The following ZNF804A variants were observed in gnomAD, a reference collection of about 807,000 sequenced individuals.
ZNF804A encodes zinc finger protein 804A.
A neutral mutation model predicts 16.5 loss-of-function variants in ZNF804A; 2 were observed. The observed-to-expected ratio is 0.12, with a 90% CI of 0.05 to 0.38. The LOEUF is 0.38. Among genes scored for constraint, ZNF804A ranks in the 10% least tolerant of loss-of-function variants. The pLI is 0.99. For missense variants in ZNF804A, 1,473 were observed against 1,390.7 expected (o/e 1.06, Z -0.94); for synonymous variants, 534 against 489.6 (o/e 1.09, Z -1.20).
At chr2:184,923,657 C>G (rs938456083) in intron 2 of ZNF804A, among the ~76,000 whole-genome samples, 2 of 151,946 alleles carry the variant, frequency 1.3e-5, no homozygotes, top group Non-Finnish European at 2.9e-5. Flanking sequence ...TCAGTTTTTT[C>G]CTCATTCAGT....
intron 1 of ZNF804A, among the ~76,000 whole-genome samples, chr2:184,787,947 T>A (rs1694473781): frequency 6.6e-6 from 1 of 151,966 alleles, no homozygotes; most frequent in Non-Finnish European, 1.5e-5. Flanking sequence ...TTTTCTTAGG[T>A]TTTATTTTAA....
At chr2:184,761,352 A>G (rs1245688629) in intron 1 of ZNF804A, among the ~76,000 whole-genome samples, 1 of 152,084 alleles carries the variant, frequency 6.6e-6, no homozygotes, top group Non-Finnish European at 1.5e-5. Flanking sequence ...TCTTTCTTTG[A>G]ATTTCAGGAT....
intron 1 of ZNF804A, among the ~76,000 whole-genome samples, chr2:184,614,883 A>G (rs1384257138): frequency 6.6e-6 from 1 of 152,190 alleles, no homozygotes; most frequent in African/African-American, 2.4e-5. Context: ...AAGTCAGGAA[A>G]CAACAGATGC....
At chr2:184,671,871 A>G (rs1001204155) in intron 1 of ZNF804A, among the ~76,000 whole-genome samples, 1 of 152,174 alleles carries the variant, frequency 6.6e-6, no homozygotes, top group Non-Finnish European at 1.5e-5. Flanking sequence ...GATTTACCAT[A>G]GTGTGTTATT....
intron 1 of ZNF804A, among the ~76,000 whole-genome samples, chr2:184,813,198 T>C (rs1425996084): frequency 1.3e-5 from 2 of 152,114 alleles, no homozygotes; most frequent in African/African-American, 2.4e-5. Context: ...AAATTGTGTT[T>C]TATGGATTAT....
chr2:184,638,505 G>A (rs1280979764), intron 1 of ZNF804A, among the ~76,000 whole-genome samples: 1 of 152,052 alleles, frequency 6.6e-6, no homozygotes, highest in African/African-American at 2.4e-5. Flanking sequence ...TCATTTTTAT[G>A]GGTGGTATTC....
At chr2:184,627,324 T>C (rs561279542) in intron 1 of ZNF804A, among the ~76,000 whole-genome samples, 20 of 152,272 alleles carry the variant, frequency 1.3e-4, no homozygotes, top group Admixed American at 4.6e-4. Flanking sequence ...AAAAAATACA[T>C]TGACTTATTG....
At chr2:184,683,202 C>T (rs1692570882) in intron 1 of ZNF804A, among the ~76,000 whole-genome samples, 1 of 152,090 alleles carries the variant, frequency 6.6e-6, no homozygotes. Context: ...TAATTCAGTA[C>T]AATGAACAAT....
At chr2:184,723,570 C>T (rs543494351) in intron 1 of ZNF804A, among the ~76,000 whole-genome samples, 81 of 151,884 alleles carry the variant, frequency 5.3e-4, no homozygotes, top group East Asian at 1.7e-3. Context: ...GAACACCATT[C>T]AACCATTACA....
In ZNF804A at chr2:184,938,379, A is replaced by T; in HGVS notation, c.2983A>T (p.Asn995Tyr). 6.2e-7 allele frequency: 1 copy of T among 1,614,160 alleles called. No homozygotes were observed. Among genetic ancestry groups the T allele is most frequent in the Non-Finnish European group, 8.5e-7 (1 of 1,180,030 alleles). ...NETPTEWLRYNSGILNTQPPL... is the reference protein window; with the variant it reads ...NETPTEWLRYYSGILNTQPPL... ...GACACCAACTGAGTGGCTGCGTTAT[A>T]ATTCAGGAATCCTTAACACACAACC... The change falls in exon 4 of 4, where the codon AAT becomes TAT. Residue 995 changes from asparagine to tyrosine, a missense_variant. Coordinates refer to ENST00000302277, the MANE Select transcript of ZNF804A (RefSeq NM_194250.2).
intron 1 of ZNF804A, among the ~76,000 whole-genome samples, chr2:184,738,343 T>A (rs1434478419): frequency 1.3e-5 from 2 of 152,048 alleles, no homozygotes; most frequent in African/African-American, 2.4e-5. Flanking sequence ...CAGAAACAGT[T>A]GGGAAACTTA....
intron 1 of ZNF804A, among the ~76,000 whole-genome samples, chr2:184,650,694 GAAACA>G (rs60008703): frequency 6.6e-6 from 1 of 151,716 alleles, no homozygotes; most frequent in Non-Finnish European, 1.5e-5. Context: ...AGCTAAAACT[GAAACA>G]AAACAAAACA....
At chr2:184,702,415 A>T (rs1692934521) in intron 1 of ZNF804A, among the ~76,000 whole-genome samples, 1 of 151,902 alleles carries the variant, frequency 6.6e-6, no homozygotes, top group Admixed American at 6.6e-5. Flanking sequence ...GATTCCTCAA[A>T]CCTAATTCAT....
chr2:184,743,404 A>C (rs1693737826), intron 1 of ZNF804A, among the ~76,000 whole-genome samples: 1 of 152,058 alleles, frequency 6.6e-6, no homozygotes. Context: ...GCCTTTGAAC[A>C]GTGGTTGGAT....
At chr2:184,834,046 C>T (rs750742810) in intron 1 of ZNF804A, among the ~76,000 whole-genome samples, 20 of 152,112 alleles carry the variant, frequency 1.3e-4, no homozygotes, top group Non-Finnish European at 2.6e-4. Context: ...TAATGATCCT[C>T]GCGTGAATCA....
At chr2:184,661,391 C>T (rs754455359) in intron 1 of ZNF804A, among the ~76,000 whole-genome samples, 5 of 152,222 alleles carry the variant, frequency 3.3e-5, no homozygotes, top group Admixed American at 6.5e-5. Flanking sequence ...GGGTGAGTTT[C>T]GGGTTCTTGT....
intron 1 of ZNF804A, among the ~76,000 whole-genome samples, chr2:184,706,170 A>G (rs1329326525): frequency 1.3e-5 from 2 of 152,120 alleles, no homozygotes; most frequent in African/African-American, 2.4e-5. Context: ...AAACCAGTGG[A>G]TACAGCCCAT....
rs79776875 is a variant in ZNF804A at position 184,937,608 on chromosome 2, A to G, written c.2212A>G (p.Ser738Gly). The G allele has an allele frequency of 1.0e-4, 164 of 1,613,644 alleles. No homozygotes were observed. In the East Asian group the frequency reaches 3.5e-3, roughly 34 times the overall value. The change falls in exon 4 of 4, where the codon AGC becomes GGC. Residue 738 changes from serine (S) to glycine (G), a missense_variant. Ser to Gly is a moderately conservative substitution (Grantham distance 56). Transcript: ENST00000302277. Reference protein sequence around the residue: ...KMSSCSQDHRSLVLQNDMKHM... With the variant: ...KMSSCSQDHRGLVLQNDMKHM... ...GTCAAGCTGTAGTCAGGATCACAGA[A>G]GCTTAGTTCTTCAAAATGATATGAA... is the stretch of plus-strand genomic sequence containing the variant.
chr2:184,831,509 T>G (rs1323582181), intron 1 of ZNF804A, among the ~76,000 whole-genome samples: 1 of 152,114 alleles, frequency 6.6e-6, no homozygotes, highest in Non-Finnish European at 1.5e-5. Flanking sequence ...TCAGTTTTTT[T>G]GTTCACATTG....
Sources: gnomAD v4.1 joint callset for allele counts (sites outside exome capture counted in the v4.1 genomes callset) on GRCh38, gnomAD v4.1.1 for gene constraint, MANE v1.5 for transcripts, NCBI Gene and HGNC (gene_info 2026-07-23, HGNC 2026-07-21) for gene names.